Variants in WDTC1 observed in about 807,000 individuals in gnomAD.
WDTC1 encodes WD and tetratricopeptide repeats protein 1.
WDTC1 carries 12 observed loss-of-function variants against 76.0 expected under a neutral mutation model. That is an observed-to-expected ratio of 0.16 (90% CI 0.10 to 0.26). WDTC1 has a LOEUF of 0.26. Ranked by LOEUF, WDTC1 falls within the 10% of genes least tolerant of loss-of-function variation. The probability of loss-of-function intolerance (pLI) is 1.00; values close to 1 mark genes in which losing one functional copy is unlikely to be tolerated. For missense variants in WDTC1, 511 were observed against 908.8 expected (o/e 0.56, Z 5.63); for synonymous variants, 326 against 350.8 (o/e 0.93, Z 0.79).
rs904270605 is a variant in WDTC1, at chr1:27,274,595, A to G, written c.133-7644A>G. Among the ~76,000 whole-genome samples, 5 of 152,230 alleles carry G rather than the reference A, an allele frequency of 3.3e-5. No homozygotes were observed. Among genetic ancestry groups the G allele is most frequent in the Admixed American group, 2.6e-4 (4 of 15,278 alleles). ...GGATTAATTTAAGCCGTTCTAGTAT[A>G]TAAGACCCAATCAGTTTTCCACTTT... On this transcript the variant is annotated intron_variant, in intron 3 of 15. Coordinates refer to ENST00000319394, the MANE Select transcript of WDTC1 (RefSeq NM_001276252.2). The surrounding 1 kb of genome is among the most constrained non-coding windows in gnomAD (Gnocchi z 4.2).
chr1:27,251,332 T>C (rs980308036), intron 1 of WDTC1, among the ~76,000 whole-genome samples: 1 of 152,080 alleles, frequency 6.6e-6, no homozygotes, highest in Non-Finnish European at 1.5e-5. Flanking sequence ...GCTCCAGGAA[T>C]AGAATACCTT....
intron 1 of WDTC1, among the ~76,000 whole-genome samples, chr1:27,259,525 T>C (rs1238118848): frequency 1.3e-5 from 2 of 151,550 alleles, no homozygotes; most frequent in Non-Finnish European, 1.5e-5. Flanking sequence ...AGAGTCTCGC[T>C]ATGTTGCCCA....
At chr1:27,236,022 A>G (rs2011485008) in intron 1 of WDTC1, among the ~76,000 whole-genome samples, 2 of 152,130 alleles carry the variant, frequency 1.3e-5, no homozygotes, top group Non-Finnish European at 2.9e-5. Context: ...TTCTGACTCA[A>G]AGACGTTACG....
intron 3 of WDTC1, among the ~76,000 whole-genome samples, chr1:27,270,923 T>G (rs893484773): frequency 1.3e-5 from 2 of 152,222 alleles, no homozygotes; most frequent in Admixed American, 6.5e-5. Flanking sequence ...TTCTAACTAG[T>G]GAAAAGTGTC....
chr1:27,274,692 T>C lies in WDTC1; in HGVS notation c.133-7547T>C, dbSNP rs1304481975. ...GTGCCAGCTCATCTCATGAGTTTTA[T>C]TGTCACAACTGACAAGAACCAAATA... is the stretch of plus-strand genomic sequence containing the variant. On this transcript the variant is annotated intron_variant, in intron 3 of 15. Coordinates refer to ENST00000319394, the MANE Select transcript of WDTC1 (RefSeq NM_001276252.2). This position sits in a 1 kb window ranked among gnomAD's most constrained non-coding sequence, Gnocchi z 4.2. 6.6e-6 allele frequency among the ~76,000 whole-genome samples: 1 copy of C among 152,226 alleles called. No homozygotes were observed.
rs543478818 is a variant in WDTC1, at chr1:27,274,875, C to T, written c.133-7364C>T. Among the ~76,000 whole-genome samples the T allele has an allele frequency of 1.1e-3, 164 of 152,202 alleles. No homozygotes were observed. The highest frequency in any genetic ancestry group is 3.6e-3 in the African/African-American group (149 of 41,534). The stretch of plus-strand genomic sequence containing the variant: ...ATTCACTTGTGGGATTTCTTGGCAC[C>T]GTATTAGACACATGGTAGAGAGAAG... On this transcript the variant is annotated intron_variant, in intron 3 of 15. Transcript: ENST00000319394. The surrounding 1 kb of genome is among the most constrained non-coding windows in gnomAD (Gnocchi z 4.2).
chr1:27,284,562 C>G (rs558890464), intron 5 of WDTC1, among the ~76,000 whole-genome samples: 25 of 152,098 alleles, frequency 1.6e-4, no homozygotes, highest in Non-Finnish European at 3.1e-4. Context: ...CTAACGGAAA[C>G]TGCTTTCTTC....
intron 5 of WDTC1, among the ~76,000 whole-genome samples, chr1:27,285,243 G>T (rs965527951): frequency 6.6e-5 from 10 of 151,872 alleles, no homozygotes; most frequent in African/African-American, 2.4e-4. Context: ...CACCATGTTG[G>T]CCAGGCCAGT....
At chr1:27,276,877 C>T (rs953953830) in intron 3 of WDTC1, among the ~76,000 whole-genome samples, 3 of 151,916 alleles carry the variant, frequency 2.0e-5, no homozygotes, top group Admixed American at 2.0e-4. Flanking sequence ...TGAGATGCTT[C>T]ACTCATTTTT....
At chr1:27,262,514 G>A (rs112269659) in intron 2 of WDTC1, among the ~76,000 whole-genome samples, 2 of 151,792 alleles carry the variant, frequency 1.3e-5, no homozygotes, top group East Asian at 1.9e-4. Context: ...TCAGCCTCCC[G>A]AGTAGCTGGG....
chr1:27,243,198 A>ATTTT (rs10714028), intron 1 of WDTC1, among the ~76,000 whole-genome samples: 10 of 60,248 alleles, frequency 1.7e-4, no homozygotes, highest in Admixed American at 4.6e-4. Context: ...CTGGCCAGTA[A>ATTTT]TTTTTTTTTT....
intron 3 of WDTC1, among the ~76,000 whole-genome samples, chr1:27,276,117 A>G (rs2013021476): frequency 6.6e-6 from 1 of 152,178 alleles, no homozygotes; most frequent in South Asian, 2.1e-4. Flanking sequence ...CTGTCTATCC[A>G]TTCATCAGTT....
rs1175829667 is a variant in WDTC1 at position 27,306,201 on chromosome 1, G to A, written c.1852G>A (p.Gly618Ser). 1 of 1,614,090 alleles carries A rather than the reference G, an allele frequency of 6.2e-7. No individual in the cohort carries two copies. The highest frequency in any genetic ancestry group is 1.1e-5 in the South Asian group (1 of 91,086). ...NPRPESEDLT[G>S]RVVEDMEGAS... ...TCCACCACAGAGTGAAGACCTCACA[G>A]GCCGAGTCGTGGAAGATATGGAGGG... is the stretch of plus-strand genomic sequence containing the variant. The change falls in exon 16 of 16, where the codon GGC (glycine) becomes AGC (serine). Residue 618 changes from glycine (G) to serine (S), a missense_variant. Coordinates refer to ENST00000319394, the MANE Select transcript of WDTC1 (RefSeq NM_001276252.2). The surrounding 1 kb of genome is among the most constrained non-coding windows in gnomAD (Gnocchi z 5.0).
intron 3 of WDTC1, among the ~76,000 whole-genome samples, chr1:27,272,561 G>T (rs960904724): frequency 1.3e-5 from 2 of 152,202 alleles, no homozygotes; most frequent in Non-Finnish European, 2.9e-5. Context: ...AGTCAATGTT[G>T]TTGGGAGCCA....
At chr1:27,277,279 A>C (rs1282943802) in intron 3 of WDTC1, among the ~76,000 whole-genome samples, 1 of 151,862 alleles carries the variant, frequency 6.6e-6, no homozygotes. Context: ...GAATATATAC[A>C]CCTGTGTTTT....
At chr1:27,291,633 G>T (rs552858312) in intron 6 of WDTC1, among the ~76,000 whole-genome samples, 1 of 152,180 alleles carries the variant, frequency 6.6e-6, no homozygotes, top group Non-Finnish European at 1.5e-5. Context: ...GCGTGGATGA[G>T]ACTTTTAGGC....
Position 27,234,740 on chromosome 1 carries a change from G to C in WDTC1, c.-311G>C, listed in dbSNP as rs912631357. On this transcript the variant is annotated 5_prime_UTR_variant, in exon 1 of 16. Transcript: ENST00000319394. ...GGGAGTGTGAGTGTGTGTGAGCGCG[G>C]GTGTGAGGCGGTGCGCAGGGGCGGG... is the stretch of plus-strand genomic sequence containing the variant. The C allele has an allele frequency of 5.0e-6, 2 of 399,306 alleles. No homozygotes were observed. Among genetic ancestry groups the C allele is most frequent in the Non-Finnish European group, 8.8e-6 (2 of 226,830 alleles). The allele number at this position is 399,306 out of a possible 1,614,324, so 24.7% of individuals were successfully genotyped here.
At position 27,292,302 on chromosome 1, in the gene WDTC1, C is replaced by T. The variant is rs2013555103; in HGVS notation, c.567C>T (p.Cys189=). The T allele has an allele frequency of 6.2e-7, 1 of 1,613,342 alleles. No homozygotes were observed. Among genetic ancestry groups the T allele is most frequent in the African/African-American group, 1.3e-5 (1 of 75,016 alleles). ...EYCGQLVEAK[C]LTVNPQDNNC... The stretch of plus-strand genomic sequence containing the variant: ...GTGGCCAGCTGGTGGAGGCCAAGTG[C>T]CTCACTGTCAACCCCCAGGACAACA... Residue 189 remains cysteine, a synonymous_variant, in exon 7 of 16, where the codon TGC becomes TGT. Coordinates refer to ENST00000319394, the MANE Select transcript of WDTC1 (RefSeq NM_001276252.2).
chr1:27,287,622 G>T, intron 5 of WDTC1, 52 bp from the exon 6 acceptor site: 1 of 1,560,748 alleles, frequency 6.4e-7, no homozygotes, highest in Non-Finnish European at 8.7e-7. Context: ...GCCTCCTTCC[G>T]TGGCCATTTC....
Sources: allele counts gnomAD v4.1 joint callset (sites outside exome capture counted in the v4.1 genomes callset), GRCh38; gene constraint gnomAD v4.1.1; non-coding constraint Gnocchi (gnomAD v3.1); transcripts MANE v1.5; gene names NCBI Gene and HGNC (gene_info 2026-07-23, HGNC 2026-07-21).